The following CYP19A1 variants were observed in gnomAD, a reference collection of about 807,000 sequenced individuals.
CYP19A1 encodes cytochrome P450 family 19 subfamily A member 1, also known as aromatase.
In CYP19A1, 32 loss-of-function variants were observed where a neutral mutation model predicts 44.4. The ratio of observed to expected loss-of-function variants is 0.72; its 90% CI spans 0.54 to 0.97. The LOEUF (loss-of-function observed/expected upper bound fraction) is 0.97, where lower values mean the gene tolerates loss of function less well. CYP19A1 is among the 50% of genes least tolerant of loss of function. CYP19A1 has a pLI of 0.00. For missense variants in CYP19A1, 598 were observed against 637.8 expected, an observed-to-expected ratio of 0.94 and a Z score of 0.67; for synonymous variants, 212 against 215.6, an observed-to-expected ratio of 0.98 and a Z score of 0.14.
chr15:51,282,175 A>G (rs1355991957), intron 1 of CYP19A1, among the ~76,000 whole-genome samples: 2 of 151,972 alleles, frequency 1.3e-5, no homozygotes, highest in Non-Finnish European at 2.9e-5. Flanking sequence ...TGCTGATTTC[A>G]CCCCTTTCTC....
intron 1 of CYP19A1, among the ~76,000 whole-genome samples, chr15:51,253,421 A>G (rs2034400869): frequency 6.6e-6 from 1 of 152,168 alleles, no homozygotes. Context: ...AACATGGAGC[A>G]GGTTGGGGAG....
chr15:51,313,022 T>G (rs1296791939), intron 1 of CYP19A1: 1 of 152,298 alleles, frequency 6.6e-6, no homozygotes, highest in Non-Finnish European at 1.5e-5. Flanking sequence ...TGCACCTTCA[T>G]GTGGCCCCCA....
At chr15:51,329,770 T>C (rs958072941) in intron 1 of CYP19A1, among the ~76,000 whole-genome samples, 1 of 152,204 alleles carries the variant, frequency 6.6e-6, no homozygotes, top group Non-Finnish European at 1.5e-5. Flanking sequence ...GAACATCTAC[T>C]ACATGCCAGG....
chr15:51,332,586 C>T (rs2060190717), intron 1 of CYP19A1, among the ~76,000 whole-genome samples: 1 of 152,220 alleles, frequency 6.6e-6, no homozygotes, highest in African/African-American at 2.4e-5. Flanking sequence ...CTCCTCTTTC[C>T]ATCCTGTAGC....
intron 1 of CYP19A1, among the ~76,000 whole-genome samples, chr15:51,246,997 G>A (rs556438429): frequency 4.6e-5 from 7 of 152,240 alleles, no homozygotes; most frequent in Admixed American, 1.3e-4. Context: ...GAGCTGACAC[G>A]TGACCTTACT....
At chr15:51,238,115 A>C (rs1477259814) in intron 2 of CYP19A1, among the ~76,000 whole-genome samples, 1 of 152,242 alleles carries the variant, frequency 6.6e-6, no homozygotes, top group African/African-American at 2.4e-5. Flanking sequence ...CTGAGTTAAT[A>C]TGAGCAAGAC....
intron 1 of CYP19A1, chr15:51,255,395 T>C (rs1186384894): frequency 6.6e-6 from 1 of 152,228 alleles, no homozygotes; most frequent in African/African-American, 2.4e-5. Context: ...TAAAGTCATT[T>C]ATGACATGGG....
chr15:51,304,740 C>T (rs1052622853), intron 1 of CYP19A1, among the ~76,000 whole-genome samples: 1 of 152,124 alleles, frequency 6.6e-6, no homozygotes, highest in Non-Finnish European at 1.5e-5. Flanking sequence ...CTCTTTGTCT[C>T]TTTCAAGAGA....
At chr15:51,313,072 A>G (rs1159595731) in intron 1 of CYP19A1, 1 of 152,132 alleles carries the variant, frequency 6.6e-6, no homozygotes, top group African/African-American at 2.4e-5. Context: ...CCCTCCCTTC[A>G]TGAGCCATTT....
intron 1 of CYP19A1, among the ~76,000 whole-genome samples, chr15:51,280,245 G>A (rs956751996): frequency 1.7e-4 from 26 of 149,428 alleles, no homozygotes; most frequent in African/African-American, 5.0e-4. Context: ...ACAGGCGCCC[G>A]CCACCATGCC....
chr15:51,231,625 G>A (rs539847840), intron 3 of CYP19A1, among the ~76,000 whole-genome samples: 45 of 151,300 alleles, frequency 3.0e-4, no homozygotes, highest in African/African-American at 9.2e-4. Flanking sequence ...CCACACATGC[G>A]CACACATGTG....
At chr15:51,294,442 G>T (rs1378022438) in intron 1 of CYP19A1, among the ~76,000 whole-genome samples, 2 of 146,562 alleles carry the variant, frequency 1.4e-5, no homozygotes, top group Admixed American at 6.7e-5. Context: ...CCTGGCAACC[G>T]CCCCGTCTGA....
intron 1 of CYP19A1, among the ~76,000 whole-genome samples, chr15:51,326,134 A>G (rs2036605149): frequency 6.6e-6 from 1 of 152,176 alleles, no homozygotes; most frequent in Non-Finnish European, 1.5e-5. Context: ...TATAAGTCAG[A>G]GGTGTCTATA....
intron 1 of CYP19A1, among the ~76,000 whole-genome samples, chr15:51,269,964 G>GC: frequency 6.6e-6 from 1 of 152,014 alleles, no homozygotes; most frequent in South Asian, 2.1e-4. Context: ...CTTCTTAAAG[G>GC]TTCCTAACAA....
At chr15:51,225,610 T>C (rs973557026) in intron 4 of CYP19A1, among the ~76,000 whole-genome samples, 2 of 152,148 alleles carry the variant, frequency 1.3e-5, no homozygotes, top group Non-Finnish European at 2.9e-5. Context: ...ATTCATTCCA[T>C]AGTTTTATAA....
intron 9 of CYP19A1, 113 bp downstream of exon 9, chr15:51,212,207 G>T: frequency 1.2e-6 from 1 of 832,870 alleles, no homozygotes; most frequent in Non-Finnish European, 2.1e-6. Context: ...AGGTGGCAGA[G>T]GGAATGAGTA....
At position 51,210,072 on chromosome 15, in the gene CYP19A1, T is replaced by G. The variant is rs997705974; in HGVS notation, c.*736A>C. On this transcript the variant is annotated 3_prime_UTR_variant, in exon 10 of 10. Coordinates refer to ENST00000396402, the MANE Select transcript of CYP19A1 (RefSeq NM_000103.4). ...ATACTTAACCCAGGCTATTACTAAA[T>G]TAGTTTGTATTACTTGATGATTATA... The G allele has an allele frequency of 8.1e-5, 19 of 234,090 alleles. No homozygotes were observed. The highest frequency in any genetic ancestry group is 1.3e-4 in the Non-Finnish European group (15 of 117,596). 14.5% of individuals were successfully genotyped at this position (234,090 alleles called of 1,614,324 possible). A position where few individuals can be genotyped will look rare whatever the true frequency, so the allele number is the denominator to read the frequency against.
At chr15:51,326,645 G>T (rs1012117021) in intron 1 of CYP19A1, among the ~76,000 whole-genome samples, 2 of 152,136 alleles carry the variant, frequency 1.3e-5, no homozygotes, top group South Asian at 4.1e-4. Flanking sequence ...GAATAGAATG[G>T]AGTTGTATAA....
chr15:51,312,022 C>T (rs550316272), intron 1 of CYP19A1, among the ~76,000 whole-genome samples: 3 of 152,238 alleles, frequency 2.0e-5, no homozygotes, highest in East Asian at 1.9e-4. Flanking sequence ...GCTTTTCTGC[C>T]AAGAGTCTTT....
Sources: gnomAD v4.1 joint callset for allele counts (sites outside exome capture counted in the v4.1 genomes callset) on GRCh38, gnomAD v4.1.1 for gene constraint, MANE v1.5 for transcripts, NCBI Gene and HGNC (gene_info 2026-07-23, HGNC 2026-07-21) for gene names.